Variants in FOCAD observed in about 807,000 individuals in gnomAD.
FOCAD encodes the protein focadhesin, also known as KIAA1797.
In FOCAD, 198 loss-of-function variants were observed where a neutral mutation model predicts 225.6. The observed-to-expected ratio is 0.88, with a 90% confidence interval of 0.78 to 0.99. The LOEUF (loss-of-function observed/expected upper bound fraction) is 0.99, where lower values mean the gene tolerates loss of function less well. Among genes scored for constraint, FOCAD ranks in the 50% least tolerant of loss-of-function variants. FOCAD has a pLI of 0.00. For missense variants in FOCAD, 2,713 were observed against 2,123.6 expected (o/e 1.28, Z -5.46); for synonymous variants, 897 against 755.0 (o/e 1.19, Z -3.08).
At chr9:20,762,795 A>T (rs963926350) in intron 6 of FOCAD, among the ~76,000 whole-genome samples, 1 of 148,638 alleles carries the variant, frequency 6.7e-6, no homozygotes, top group Non-Finnish European at 1.5e-5. Flanking sequence ...AGTGCCTAAC[A>T]GGAAAATTTT....
chr9:20,911,936 A>T (rs1294483905), intron 22 of FOCAD, among the ~76,000 whole-genome samples: 3 of 152,168 alleles, frequency 2.0e-5, no homozygotes, highest in African/African-American at 7.2e-5. Flanking sequence ...ATATGAAAAG[A>T]TCCTCAATCT....
chr9:20,847,161 G>T (rs1193552153), intron 15 of FOCAD, among the ~76,000 whole-genome samples: 3 of 151,922 alleles, frequency 2.0e-5, no homozygotes, highest in African/African-American at 7.2e-5. Context: ...CCACAAATAA[G>T]TTTGGGACAT....
intron 35 of FOCAD, among the ~76,000 whole-genome samples, chr9:20,968,208 C>T (rs760832750): frequency 2.2e-4 from 34 of 151,954 alleles, no homozygotes; most frequent in Non-Finnish European, 3.7e-4. Flanking sequence ...AGGAATTTTT[C>T]GATTTAATCT....
At chr9:20,939,923 C>T (rs35731218) in intron 28 of FOCAD, among the ~76,000 whole-genome samples, 34,646 of 143,738 alleles carry the variant, frequency 0.24, 4,501 homozygotes, top group Middle Eastern at 0.32. Flanking sequence ...CCACGACAGG[C>T]CCCAGTGTGT....
intron 28 of FOCAD, among the ~76,000 whole-genome samples, chr9:20,939,596 T>C (rs1836418303): frequency 6.6e-6 from 1 of 152,204 alleles, no homozygotes; most frequent in African/African-American, 2.4e-5. Context: ...TTTAAAAATT[T>C]CGTATGTCCA....
chr9:20,754,589 C>T (rs904568902), intron 5 of FOCAD, among the ~76,000 whole-genome samples: 10 of 151,072 alleles, frequency 6.6e-5, no homozygotes, highest in Non-Finnish European at 8.8e-5. Context: ...GCAATGCTTT[C>T]TTCGGTGATG....
At chr9:20,922,868 C>T (rs75113370) in intron 24 of FOCAD, among the ~76,000 whole-genome samples, 1 of 152,112 alleles carries the variant, frequency 6.6e-6, no homozygotes, top group Non-Finnish European at 1.5e-5. Flanking sequence ...TTTATAGGAT[C>T]AGCTTGGAAT....
chr9:20,829,467 T>C lies in FOCAD; in HGVS notation c.1920+6352T>C, dbSNP rs1490487335. 2.0e-5 allele frequency among the ~76,000 whole-genome samples: 3 copies of C among 152,208 alleles called. 1 individual carries two copies. In the East Asian group the frequency reaches 5.8e-4, roughly 30 times the overall value. On this transcript the variant is annotated intron_variant, in intron 15 of 43. Transcript: ENST00000338382. The stretch of plus-strand genomic sequence containing the variant: ...CTAATGAGTGTGAAGTGATATCCCA[T>C]GTAGTTTTCATTTGCATTTCCCCGA...
intron 1 of FOCAD, among the ~76,000 whole-genome samples, chr9:20,685,126 T>C (rs530478402): frequency 1.3e-5 from 2 of 152,308 alleles, no homozygotes; most frequent in South Asian, 4.1e-4. Context: ...ATACCAGGTA[T>C]TAAAATCGGC....
chr9:20,964,667 C>T (rs1397816728), intron 35 of FOCAD, among the ~76,000 whole-genome samples: 1 of 152,058 alleles, frequency 6.6e-6, no homozygotes, highest in Non-Finnish European at 1.5e-5. Context: ...TCCCAAGTAG[C>T]TGGGACAACA....
At chr9:20,906,911 T>A (rs1343042856) in intron 21 of FOCAD, among the ~76,000 whole-genome samples, 2 of 152,074 alleles carry the variant, frequency 1.3e-5, no homozygotes, top group Non-Finnish European at 2.9e-5. Flanking sequence ...TATTGTAGGA[T>A]TTTATTTGCT....
rs139105401 is a variant in FOCAD at position 20,703,411 on chromosome 9, C to T, written c.-32-11911C>T. Among the ~76,000 whole-genome samples, 487 of 152,078 alleles carry T rather than the reference C, an allele frequency of 3.2e-3. 3 individuals carry two copies. Among genetic ancestry groups the T allele is most frequent in the Non-Finnish European group, 5.1e-3 (345 of 67,968 alleles). ...CTGAAGGAGAGTTGCAAGACCAGAA[C>T]CTTTTGGCCTTCCTATAGAGTTGCA... On this transcript the variant is annotated intron_variant, in intron 1 of 43. Transcript: ENST00000338382.
At chr9:20,729,506 G>T (rs757686339) in intron 4 of FOCAD, among the ~76,000 whole-genome samples, 2 of 152,114 alleles carry the variant, frequency 1.3e-5, no homozygotes, top group Non-Finnish European at 2.9e-5. Context: ...TCCATATAAG[G>T]TCACATTCAT....
chr9:20,917,355 T>C (rs1370819285), intron 24 of FOCAD, among the ~76,000 whole-genome samples: 1 of 152,144 alleles, frequency 6.6e-6, no homozygotes, highest in Non-Finnish European at 1.5e-5. Context: ...TATCTAAAAA[T>C]TGAATTTTTA....
chr9:20,881,434 G>C (rs1478298885), intron 19 of FOCAD, among the ~76,000 whole-genome samples: 1 of 152,186 alleles, frequency 6.6e-6, no homozygotes, highest in African/African-American at 2.4e-5. Flanking sequence ...AGGTGTTAGG[G>C]ACAGGAATGA....
At chr9:20,774,322 C>A (rs756456245) in intron 8 of FOCAD, among the ~76,000 whole-genome samples, 1 of 152,130 alleles carries the variant, frequency 6.6e-6, no homozygotes, top group Admixed American at 6.5e-5. Flanking sequence ...GTTCTGTCAT[C>A]AAGAGGCACA....
intron 11 of FOCAD, among the ~76,000 whole-genome samples, chr9:20,800,956 GT>G (rs1294944593): frequency 6.6e-6 from 1 of 152,122 alleles, no homozygotes; most frequent in Non-Finnish European, 1.5e-5. Flanking sequence ...TTTCTGCTCT[GT>G]TTTTTCCCCA....
intron 2 of FOCAD, among the ~76,000 whole-genome samples, chr9:20,679,139 G>GTGTGTGTGTGTA (rs1822323438): frequency 3.6e-5 from 5 of 139,270 alleles, no homozygotes; most frequent in Non-Finnish European, 7.5e-5. Flanking sequence ...GTGTGTGTGT[G>GTGTGTGTGTGTA]TGTGTGTGTG....
chr9:20,710,882 T>A (rs1396459379), intron 1 of FOCAD, among the ~76,000 whole-genome samples: 1 of 152,228 alleles, frequency 6.6e-6, no homozygotes, highest in East Asian at 1.9e-4. Flanking sequence ...TAAATTAATT[T>A]AAAAATAGTT....
Sources: gnomAD v4.1 joint callset for allele counts (sites outside exome capture counted in the v4.1 genomes callset) on GRCh38, gnomAD v4.1.1 for gene constraint, MANE v1.5 for transcripts, NCBI Gene and HGNC (gene_info 2026-07-23, HGNC 2026-07-21) for gene names.